Variants in TRIM33 observed in about 807,000 individuals in gnomAD.
TRIM33 encodes the protein tripartite motif containing 33.
Under a neutral mutation model 125.4 loss-of-function variants are expected in TRIM33, and 20 were observed. The ratio of observed to expected loss-of-function variants is 0.16; its 90% CI spans 0.11 to 0.23. TRIM33 has a LOEUF of 0.23. Ranked by LOEUF, TRIM33 falls within the 10% of genes least tolerant of loss-of-function variation. The pLI is 1.00. For missense variants in TRIM33, 920 were observed against 1,411.4 expected (o/e 0.65, Z 5.58); for synonymous variants, 564 against 513.9 (o/e 1.10, Z -1.32).
chr1:114,399,089 C>T (rs2101077316), intron 18 of TRIM33, among the ~76,000 whole-genome samples: 1 of 152,002 alleles, frequency 6.6e-6, no homozygotes, highest in Non-Finnish European at 1.5e-5. Flanking sequence ...TTCATGTTGT[C>T]AATAATAAAA....
Position 114,395,650 on chromosome 1 carries a change from A to G in TRIM33, c.*1998T>C, listed in dbSNP as rs1458801703. 1 of 195,498 alleles carries G rather than the reference A, an allele frequency of 5.1e-6. No homozygotes were observed. The highest frequency in any genetic ancestry group is 1.1e-5 in the Non-Finnish European group (1 of 94,012). 12.1% of individuals were successfully genotyped at this position (195,498 alleles called of 1,614,324 possible). A position where few individuals can be genotyped will look rare whatever the true frequency, so the allele number is the denominator to read the frequency against. On this transcript the variant is annotated 3_prime_UTR_variant, in exon 20 of 20. Transcript: ENST00000358465. ...GAGGGAAATTGGCATAGGCATAAGT[A>G]TTTTTAAATAATTTTCTCCCTCTTA...
At chr1:114,476,969 C>A (rs1651011024) in intron 1 of TRIM33, among the ~76,000 whole-genome samples, 1 of 152,056 alleles carries the variant, frequency 6.6e-6, no homozygotes, top group South Asian at 2.1e-4. Flanking sequence ...TTTTATAGAG[C>A]CCGACATTGT....
In TRIM33 at chr1:114,402,326, CACT is replaced by C. The variant is rs144233505; in HGVS notation, c.2892+431_2892+433del. 9.5e-3 allele frequency among the ~76,000 whole-genome samples: 1,443 copies of C among 152,244 alleles called. 21 individuals carry two copies. Among genetic ancestry groups the C allele is most frequent in the African/African-American group, 0.033 (1,360 of 41,526 alleles). On this transcript the variant is annotated intron_variant, in intron 16 of 19. Transcript: ENST00000358465. The stretch of plus-strand genomic sequence containing the variant: ...GAAGCGGGGAGAGCAGTTAAGAGAT[CACT>C]ACAATAGTCCAGATGAGAAATTATG...
chr1:114,471,485 C>T (rs1650647617), intron 1 of TRIM33, among the ~76,000 whole-genome samples: 1 of 146,100 alleles, frequency 6.8e-6, no homozygotes, highest in South Asian at 2.2e-4. Context: ...TTTAAATAAA[C>T]ACAATTTCCA....
At chr1:114,500,116 G>C (rs1471940980) in intron 1 of TRIM33, among the ~76,000 whole-genome samples, 1 of 152,178 alleles carries the variant, frequency 6.6e-6, no homozygotes, top group African/African-American at 2.4e-5. Context: ...GCAGTGAGCA[G>C]AGATCGTGCC....
intron 1 of TRIM33, among the ~76,000 whole-genome samples, chr1:114,507,255 C>T (rs950374406): frequency 6.6e-6 from 1 of 152,176 alleles, no homozygotes; most frequent in East Asian, 1.9e-4. Flanking sequence ...GCTTGTTAAA[C>T]GAGACTACTG....
intron 1 of TRIM33, among the ~76,000 whole-genome samples, chr1:114,480,270 C>T (rs1469855678): frequency 2.0e-5 from 3 of 151,948 alleles, no homozygotes; most frequent in East Asian, 3.9e-4. Context: ...TAAACAGATG[C>T]TTGAAGGCAG....
At chr1:114,491,413 G>T (rs1451189974) in intron 1 of TRIM33, among the ~76,000 whole-genome samples, 1 of 152,176 alleles carries the variant, frequency 6.6e-6, no homozygotes, top group Non-Finnish European at 1.5e-5. Context: ...GGAAATGCAG[G>T]ATTAGGTTCC....
At chr1:114,490,992 TAAGTCTGGGGGG>T (rs1402742456) in intron 1 of TRIM33, among the ~76,000 whole-genome samples, 1 of 152,124 alleles carries the variant, frequency 6.6e-6, no homozygotes, top group Non-Finnish European at 1.5e-5. Context: ...AATGGCTGCC[TAAGTCTGGGGGG>T]AATGGTTTGG....
chr1:114,483,772 CTT>C (rs1378686834), intron 1 of TRIM33, among the ~76,000 whole-genome samples: 2 of 152,062 alleles, frequency 1.3e-5, no homozygotes, highest in African/African-American at 2.4e-5. Context: ...CAAACAAACT[CTT>C]TAGAAAATAG....
chr1:114,474,975 G>A (rs1435627549), intron 1 of TRIM33, among the ~76,000 whole-genome samples: 1 of 150,400 alleles, frequency 6.6e-6, no homozygotes, highest in African/African-American at 2.4e-5. Flanking sequence ...TTAGAGACAA[G>A]AGCAAAATTT....
At chr1:114,502,398 A>G (rs964315794) in intron 1 of TRIM33, among the ~76,000 whole-genome samples, 13 of 152,258 alleles carry the variant, frequency 8.5e-5, no homozygotes, top group African/African-American at 2.9e-4. Context: ...ATGGGGTATG[A>G]CCATCAAATG....
intron 4 of TRIM33, among the ~76,000 whole-genome samples, chr1:114,457,209 C>T (rs1217944551): frequency 6.6e-6 from 1 of 152,142 alleles, no homozygotes; most frequent in African/African-American, 2.4e-5. Context: ...ACTTTCCAGC[C>T]CTATGATCCG....
chr1:114,448,952 G>T (rs74370068), intron 4 of TRIM33, among the ~76,000 whole-genome samples: 59 of 152,206 alleles, frequency 3.9e-4, no homozygotes, highest in African/African-American at 1.4e-3. Context: ...ACAAAGACTA[G>T]AGTGTCTGAA....
intron 6 of TRIM33, among the ~76,000 whole-genome samples, chr1:114,430,057 C>T (rs975918163): frequency 6.6e-5 from 10 of 151,820 alleles, no homozygotes; most frequent in African/African-American, 1.9e-4. Context: ...AAAAGAGCAG[C>T]ATTTTCTGCA....
chr1:114,501,826 G>T (rs151191688), intron 1 of TRIM33, among the ~76,000 whole-genome samples: 1 of 113,830 alleles, frequency 8.8e-6, no homozygotes, highest in Non-Finnish European at 1.9e-5. Flanking sequence ...TAGCATATAA[G>T]CATTCAAATG....
chr1:114,431,043 C>T (rs1445040503), intron 5 of TRIM33, 131 bp from the exon 6 acceptor site: 5 of 629,330 alleles, frequency 7.9e-6, no homozygotes, highest in African/African-American at 1.8e-5. Context: ...AAATGTACAA[C>T]TCATGTTTCA....
intron 18 of TRIM33, among the ~76,000 whole-genome samples, chr1:114,398,911 AAAAACAAAAC>A (rs917588607): frequency 6.7e-6 from 1 of 148,878 alleles, no homozygotes; most frequent in Non-Finnish European, 1.5e-5. Context: ...AAAAAAAAAA[AAAAACAAAAC>A]AAAACAAAAC....
At chr1:114,435,398 A>T (rs541219711) in intron 4 of TRIM33, among the ~76,000 whole-genome samples, 59 of 152,308 alleles carry the variant, frequency 3.9e-4, no homozygotes, top group Non-Finnish European at 7.8e-4. Context: ...TCAAGAAACA[A>T]ATCATTGGAA....
Sources: allele counts gnomAD v4.1 joint callset (sites outside exome capture counted in the v4.1 genomes callset), GRCh38; gene constraint gnomAD v4.1.1; transcripts MANE v1.5; gene names NCBI Gene and HGNC (gene_info 2026-07-23, HGNC 2026-07-21).